SUGCT: variants seen among roughly 807,000 people sequenced by gnomAD.
The protein encoded by SUGCT is succinyl-CoA:glutarate CoA-transferase.
In SUGCT, 41 loss-of-function variants were observed where a neutral mutation model predicts 55.0. The observed-to-expected ratio is 0.74, with a 90% confidence interval of 0.58 to 0.97. The LOEUF (loss-of-function observed/expected upper bound fraction) is 0.97, where lower values mean the gene tolerates loss of function less well. SUGCT is among the 50% of genes least tolerant of loss of function. The pLI, the probability that SUGCT is intolerant of heterozygous loss-of-function variation, is 0.00. For missense variants in SUGCT, 568 were observed against 547.8 expected (o/e 1.04, Z -0.37); for synonymous variants, 187 against 200.4 (o/e 0.93, Z 0.56).
At chr7:40,154,645 C>T (rs930710621) in intron 1 of SUGCT, among the ~76,000 whole-genome samples, 2 of 152,002 alleles carry the variant, frequency 1.3e-5, no homozygotes, top group East Asian at 3.9e-4. Flanking sequence ...TCAGGCTTTA[C>T]GGCCTGTTTT....
chr7:40,498,284 T>C (rs1289840445), intron 12 of SUGCT, among the ~76,000 whole-genome samples: 3 of 152,254 alleles, frequency 2.0e-5, no homozygotes, highest in African/African-American at 7.2e-5. Context: ...TTCATTCATT[T>C]ATTCAACAAA....
intron 12 of SUGCT, among the ~76,000 whole-genome samples, chr7:40,555,313 T>TC (rs1795503216): frequency 6.6e-6 from 1 of 151,970 alleles, no homozygotes. Flanking sequence ...TTTTTTTTTT[T>TC]TCTCACTGAT....
At chr7:40,275,257 AACTT>A (rs1792387793) in intron 8 of SUGCT, among the ~76,000 whole-genome samples, 3 of 152,206 alleles carry the variant, frequency 2.0e-5, no homozygotes, top group Non-Finnish European at 4.4e-5. Flanking sequence ...TGTACTCTGT[AACTT>A]ACTTTGACTT....
intron 13 of SUGCT, among the ~76,000 whole-genome samples, chr7:40,820,399 A>G (rs1791925034): frequency 6.6e-6 from 1 of 152,208 alleles, no homozygotes; most frequent in Non-Finnish European, 1.5e-5. Context: ...ATCCATGAGC[A>G]TGGAATGTTC....
At chr7:40,467,204 GA>G (rs762283927) in intron 11 of SUGCT, among the ~76,000 whole-genome samples, 8,888 of 83,786 alleles carry the variant, frequency 0.11, 201 homozygotes, top group Middle Eastern at 0.19. Context: ...CTAAGAAAAA[GA>G]AAAAAAAAAA....
Position 40,184,072 on chromosome 7 carries a change from G to A in SUGCT, c.226+2044G>A, listed in dbSNP as rs569066279. Among the ~76,000 whole-genome samples, 8 of 152,198 alleles carry A rather than the reference G, an allele frequency of 5.3e-5. No homozygotes were observed. The South Asian group carries it at 1.7e-3, about 32-fold the overall frequency. ...TGCCTGTAATCTCAACTACTTGGAA[G>A]GCTGAGGCAGGAGAATCTCTTGAAC... On this transcript the variant is annotated intron_variant, in intron 3 of 13. Coordinates refer to ENST00000335693, the MANE Select transcript of SUGCT (RefSeq NM_001193313.2).
intron 7 of SUGCT, among the ~76,000 whole-genome samples, chr7:40,242,933 A>ATATATATATATAT (rs1270335224): frequency 5.8e-5 from 1 of 17,216 alleles, no homozygotes; most frequent in Non-Finnish European, 1.2e-4. Context: ...ATATATATAT[A>ATATATATATATAT]TTTTTTTTTT....
chr7:40,855,376 TTCTC>T (rs1794120775), intron 13 of SUGCT, among the ~76,000 whole-genome samples: 1 of 152,128 alleles, frequency 6.6e-6, no homozygotes, highest in African/African-American at 2.4e-5. Flanking sequence ...CTTAGCTTCT[TTCTC>T]ACATTTTTTA....
At chr7:40,458,092 A>C (rs149017850) in intron 10 of SUGCT, among the ~76,000 whole-genome samples, 1 of 152,248 alleles carries the variant, frequency 6.6e-6, no homozygotes, top group Non-Finnish European at 1.5e-5. Flanking sequence ...ACTCAAGGGA[A>C]TCTTCTTCAC....
chr7:40,876,901 A>G, the SUGCT span, among the ~76,000 whole-genome samples: 1 of 152,158 alleles, frequency 6.6e-6, no homozygotes, highest in Admixed American at 6.5e-5. Context: ...GAGCCATTCC[A>G]GGACTCCACA....
chr7:40,475,000 A>T (rs554205109), intron 11 of SUGCT, among the ~76,000 whole-genome samples: 1 of 152,294 alleles, frequency 6.6e-6, no homozygotes, highest in South Asian at 2.1e-4. Context: ...GTCTTGAGTA[A>T]CAGAGTTCAC....
At chr7:40,369,938 G>A (rs540795598) in intron 9 of SUGCT, among the ~76,000 whole-genome samples, 28 of 152,140 alleles carry the variant, frequency 1.8e-4, no homozygotes, top group Admixed American at 6.6e-4. Flanking sequence ...CCTAGTGCTC[G>A]TGGGGAATGG....
At chr7:40,712,939 G>C (rs1178060966) in intron 12 of SUGCT, among the ~76,000 whole-genome samples, 1 of 152,228 alleles carries the variant, frequency 6.6e-6, no homozygotes, top group South Asian at 2.1e-4. Context: ...TCAGTCACAA[G>C]ACTTGTCTAA....
At chr7:40,743,863 A>C (rs1217382063) in intron 12 of SUGCT, among the ~76,000 whole-genome samples, 4 of 152,094 alleles carry the variant, frequency 2.6e-5, no homozygotes, top group African/African-American at 7.2e-5. Context: ...AGAAAGAGAT[A>C]TTATTATCCC....
intron 8 of SUGCT, among the ~76,000 whole-genome samples, chr7:40,282,684 C>G (rs10257919): frequency 6.6e-6 from 1 of 151,954 alleles, no homozygotes; most frequent in Admixed American, 6.6e-5. Context: ...AGCATGGCCA[C>G]TATAATGAGA....
intron 7 of SUGCT, among the ~76,000 whole-genome samples, chr7:40,246,963 A>G (rs1789925330): frequency 2.0e-5 from 3 of 152,122 alleles, no homozygotes. Flanking sequence ...TACTGTGTAT[A>G]TTGTATTACA....
chr7:40,770,447 A>T (rs1222981511), intron 13 of SUGCT, among the ~76,000 whole-genome samples: 8 of 152,094 alleles, frequency 5.3e-5, no homozygotes, highest in Non-Finnish European at 1.2e-4. Flanking sequence ...ACAAGATGGC[A>T]TTTCGAGCTT....
chr7:40,255,205 C>T (rs922445480), intron 7 of SUGCT, among the ~76,000 whole-genome samples: 15 of 123,712 alleles, frequency 1.2e-4, no homozygotes, highest in African/African-American at 4.8e-4. Context: ...CCAGCCTGGG[C>T]AACAAGAGTG....
At chr7:40,526,386 G>A (rs1211043025) in intron 12 of SUGCT, among the ~76,000 whole-genome samples, 1 of 152,090 alleles carries the variant, frequency 6.6e-6, no homozygotes, top group Non-Finnish European at 1.5e-5. Context: ...CAGTTTCAAG[G>A]ACTTCTCTAC....
Sources: gnomAD v4.1 joint callset for allele counts (sites outside exome capture counted in the v4.1 genomes callset) on GRCh38, gnomAD v4.1.1 for gene constraint, MANE v1.5 for transcripts, NCBI Gene and HGNC (gene_info 2026-07-23, HGNC 2026-07-21) for gene names.